Variants in HFM1 observed in about 807,000 individuals in gnomAD.
HFM1 encodes helicase for meiosis 1.
In HFM1, 169 loss-of-function variants were observed where a neutral mutation model predicts 192.1. The observed-to-expected ratio is 0.88, with a 90% CI of 0.78 to 1.00. HFM1 has a LOEUF of 1.00. Ranked by LOEUF, HFM1 falls within the 50% of genes least tolerant of loss-of-function variation. The pLI, the probability that HFM1 is intolerant of heterozygous loss-of-function variation, is 0.00. For missense variants in HFM1, 1,661 were observed against 1,668.0 expected, an observed-to-expected ratio of 1.00 and a Z score of 0.07; for synonymous variants, 525 against 537.8, an observed-to-expected ratio of 0.98 and a Z score of 0.33.
chr1:91,399,090 A>G (rs992828983), intron 2 of HFM1, among the ~76,000 whole-genome samples: 12 of 152,180 alleles, frequency 7.9e-5, no homozygotes, highest in African/African-American at 2.7e-4. Context: ...TTATTCATTC[A>G]TTAATCCATT....
intron 34 of HFM1, among the ~76,000 whole-genome samples, chr1:91,270,895 G>C (rs1666228954): frequency 6.6e-6 from 1 of 152,112 alleles, no homozygotes; most frequent in Non-Finnish European, 1.5e-5. Flanking sequence ...AGCATACTGA[G>C]TGTCAATTGC....
At position 91,264,497 on chromosome 1, in the gene HFM1, C is replaced by T. The variant is rs1050312812; in HGVS notation, c.3974+1520G>A. On this transcript the variant is annotated intron_variant, in intron 36 of 38. Coordinates refer to ENST00000370425, the MANE Select transcript of HFM1 (RefSeq NM_001017975.6). ...ACGCCATTCTCCTGCCTCAGCCTCC[C>T]GAGTAGCTGGGACTACAGGCGCCCG... Among the ~76,000 whole-genome samples, 8 of 146,416 alleles carry T rather than the reference C, an allele frequency of 5.5e-5. No homozygotes were observed. In the South Asian group the frequency reaches 8.9e-4, roughly 16 times the overall value.
intron 34 of HFM1, among the ~76,000 whole-genome samples, chr1:91,269,077 T>C (rs1666034838): frequency 6.6e-6 from 1 of 152,118 alleles, no homozygotes; most frequent in African/African-American, 2.4e-5. Flanking sequence ...TCCTTCACTT[T>C]CTTAAGTCTA....
At chr1:91,295,011 T>C (rs1050461561) in intron 30 of HFM1, among the ~76,000 whole-genome samples, 1 of 152,196 alleles carries the variant, frequency 6.6e-6, no homozygotes, top group East Asian at 1.9e-4. Flanking sequence ...GTAGTTGTTA[T>C]ATATCCTTAT....
intron 38 of HFM1, chr1:91,262,040 C>T (rs1189530229): frequency 6.0e-6 from 2 of 331,260 alleles, no homozygotes; most frequent in Non-Finnish European, 5.6e-6. Context: ...ATCAAACATA[C>T]GGGTTTTCAA....
chr1:91,373,925 T>G (rs1323111270), intron 13 of HFM1, among the ~76,000 whole-genome samples: 2 of 152,104 alleles, frequency 1.3e-5, no homozygotes, highest in East Asian at 1.9e-4. Flanking sequence ...CCTCAAGAAG[T>G]TGATAATCTA....
intron 34 of HFM1, among the ~76,000 whole-genome samples, chr1:91,269,505 T>C (rs1666075686): frequency 6.6e-6 from 1 of 152,264 alleles, no homozygotes; most frequent in African/African-American, 2.4e-5. Context: ...TCTTCACCTG[T>C]CCAAACCCTT....
At position 91,313,384 on chromosome 1, in the gene HFM1, T is replaced by G; in HGVS notation, c.3356A>C (p.His1119Pro). ...TCCTGCTATTGTAGATATGTCTGAATGTTTAGAATGGGAAATCTGTGTTTC... is the reference window on the plus strand; with the variant it reads ...TCCTGCTATTGTAGATATGTCTGAAGGTTTAGAATGGGAAATCTGTGTTTC... ...KSETQISHSK[H>P]SDISTIAGPN... Residue 1119 changes from histidine to proline, a missense_variant, in exon 30 of 39, where the codon CAT (histidine) becomes CCT (proline). His to Pro is a moderately conservative substitution (Grantham distance 77). Coordinates refer to ENST00000370425, the MANE Select transcript of HFM1 (RefSeq NM_001017975.6). 6.3e-7 allele frequency: 1 copy of G among 1,592,566 alleles called. No individual in the cohort carries two copies. Among genetic ancestry groups the G allele is most frequent in the East Asian group, 2.3e-5 (1 of 44,384 alleles).
At chr1:91,363,073 C>G (rs992638707) in intron 13 of HFM1, among the ~76,000 whole-genome samples, 2 of 152,002 alleles carry the variant, frequency 1.3e-5, no homozygotes, top group African/African-American at 4.8e-5. Context: ...CTATAAAAAC[C>G]CCAGAAGAAA....
intron 30 of HFM1, among the ~76,000 whole-genome samples, chr1:91,288,944 C>T (rs1333082223): frequency 6.6e-5 from 10 of 151,782 alleles, no homozygotes; most frequent in African/African-American, 9.7e-5. Context: ...ACTTCCCAGA[C>T]GGGCCGGCCG....
chr1:91,274,764 A>C lies in HFM1; in HGVS notation c.3634T>G (p.Phe1212Val). The C allele has an allele frequency of 6.4e-7, 1 of 1,570,978 alleles. No homozygotes were observed. The highest frequency in any genetic ancestry group is 8.8e-7 in the Non-Finnish European group (1 of 1,142,654). ...CTAGGAAGGGAAGGTTTTGGAGTAA[A>C]ACCAAACTCTTTAAGGTCCACACTT... ...SQSVDLKEFG[F>V]TPKPSLPSIS... The change falls in exon 33 of 39, where the codon TTT becomes GTT. Residue 1212 changes from phenylalanine (F) to valine (V), a missense_variant. Coordinates refer to ENST00000370425, the MANE Select transcript of HFM1 (RefSeq NM_001017975.6).
At chr1:91,349,250 T>A (rs984538097) in intron 18 of HFM1, among the ~76,000 whole-genome samples, 1 of 150,960 alleles carries the variant, frequency 6.6e-6, no homozygotes, top group African/African-American at 2.4e-5. Flanking sequence ...ATTGTGCCAC[T>A]GCACTCCAGT....
chr1:91,273,421 C>T (rs936001768), intron 34 of HFM1, among the ~76,000 whole-genome samples: 2 of 151,906 alleles, frequency 1.3e-5, no homozygotes, highest in African/African-American at 4.8e-5. Context: ...TATGTTAATA[C>T]TCTATATACC....
chr1:91,315,834 C>T lies in HFM1; in HGVS notation c.3121G>A (p.Val1041Ile). Residue 1041 changes from valine to isoleucine, a missense_variant, in exon 28 of 39, where the codon GTT becomes ATT. Transcript: ENST00000370425. ...LIIGDADNQV[V>I]YLHKITDSVL... The stretch of plus-strand genomic sequence containing the variant: ...ACTTACGTAATCTTGTGCAGATAAA[C>T]TACTTGATTATCTGCGTCACCTATG... The T allele has an allele frequency of 1.2e-6, 2 of 1,609,840 alleles. No homozygotes were observed. Among genetic ancestry groups the T allele is most frequent in the Non-Finnish European group, 1.7e-6 (2 of 1,177,494 alleles).
chr1:91,380,358 A>T (rs1661411118), intron 7 of HFM1, 122 bp from the exon 8 acceptor site: 2 of 595,628 alleles, frequency 3.4e-6, no homozygotes, highest in Non-Finnish European at 5.5e-6. Context: ...TTTTCCTCTA[A>T]AGTTATAAAA....
chr1:91,352,607 G>A lies in HFM1; in HGVS notation c.1876C>T (p.Leu626=). 2 of 1,608,260 alleles carry A rather than the reference G, an allele frequency of 1.2e-6. No homozygotes were observed. Among genetic ancestry groups the A allele is most frequent in the South Asian group, 1.1e-5 (1 of 90,306 alleles). ...TGCATTGTAGATTTTATAACTACTA[G>A]GTGAGCAGGCAAATTTACTCCCATA... ...LAMGVNLPAH[L]VVIKSTMHYA... The change falls in exon 16 of 39, where the codon CTA becomes TTA. Residue 626 remains leucine, a synonymous_variant. Coordinates refer to ENST00000370425, the MANE Select transcript of HFM1 (RefSeq NM_001017975.6).
At chr1:91,303,855 T>A (rs1649206453) in intron 30 of HFM1, among the ~76,000 whole-genome samples, 1 of 152,196 alleles carries the variant, frequency 6.6e-6, no homozygotes, top group Non-Finnish European at 1.5e-5. Flanking sequence ...TTATTTTTAT[T>A]TTATTTTTGA....
At position 91,327,116 on chromosome 1, in the gene HFM1, A is replaced by G. The variant is rs575836308; in HGVS notation, c.2336-2350T>C. ...AGACAGGAAGACAGAAAGAAGGAAG[A>G]GAAGACTGTAAAACAACCAGAAAAC... On this transcript the variant is annotated intron_variant, in intron 20 of 38. Transcript: ENST00000370425. 1.7e-4 allele frequency among the ~76,000 whole-genome samples: 26 copies of G among 152,334 alleles called. 1 individual carries two copies. In the South Asian group the frequency reaches 5.0e-3, roughly 29 times the overall value.
In HFM1 at chr1:91,343,632, T is replaced by C. The variant is rs1655706435; in HGVS notation, c.2255-122A>G. The C allele has an allele frequency of 9.7e-6, 4 of 413,268 alleles. No individual in the cohort carries two copies. In the South Asian group the frequency reaches 2.5e-4, roughly 26 times the overall value. The allele number at this position is 413,268 out of a possible 1,614,324, so 25.6% of individuals were successfully genotyped here. A position where few individuals can be genotyped will look rare whatever the true frequency, so the allele number is the denominator to read the frequency against. ...TGTAACTGTTCTAGAAGAACCATAGTCCCTACTTAAGCAGTAAGAGAAAGC... is the reference window on the plus strand; with the variant it reads ...TGTAACTGTTCTAGAAGAACCATAGCCCCTACTTAAGCAGTAAGAGAAAGC... On this transcript the variant is annotated intron_variant, in intron 19 of 38. Coordinates refer to ENST00000370425, the MANE Select transcript of HFM1 (RefSeq NM_001017975.6).
Sources: gnomAD v4.1 joint callset for allele counts (sites outside exome capture counted in the v4.1 genomes callset) on GRCh38, gnomAD v4.1.1 for gene constraint, MANE v1.5 for transcripts, NCBI Gene and HGNC (gene_info 2026-07-23, HGNC 2026-07-21) for gene names.